The following PTGR1 variants were observed in gnomAD, a reference collection of about 807,000 sequenced individuals.
The protein encoded by PTGR1 is 15-oxoprostaglandin 13-reductase.
In PTGR1, 23 loss-of-function variants were observed where a neutral mutation model predicts 37.7. The observed-to-expected ratio is 0.61, with a 90% CI of 0.44 to 0.86. PTGR1 has a LOEUF of 0.86. PTGR1 is among the 40% of genes least tolerant of loss of function. The pLI is 0.00. For synonymous variants in PTGR1, 134 were observed against 140.0 expected, an observed-to-expected ratio of 0.96 and a Z score of 0.30; for missense variants, 351 against 394.3, an observed-to-expected ratio of 0.89 and a Z score of 0.93.
intron 8 of PTGR1, among the ~76,000 whole-genome samples, chr9:111,572,912 A>G (rs1828891004): frequency 6.6e-6 from 1 of 152,154 alleles, no homozygotes; most frequent in South Asian, 2.1e-4. Flanking sequence ...GTTGATGAGA[A>G]TGTTGGTTTT....
At chr9:111,579,046 A>G in intron 6 of PTGR1, 95 bp from the exon 7 acceptor site, 1 of 1,229,180 alleles carries the variant, frequency 8.1e-7, no homozygotes, top group South Asian at 1.6e-5. Context: ...GTTCCCTAGG[A>G]ACACTCTCTT....
intron 5 of PTGR1, among the ~76,000 whole-genome samples, chr9:111,585,052 G>T (rs1360776418): frequency 2.0e-5 from 3 of 151,406 alleles, no homozygotes; most frequent in African/African-American, 4.9e-5. Flanking sequence ...AGTTATTTCT[G>T]CATTAAAAAA....
intron 9 of PTGR1, among the ~76,000 whole-genome samples, chr9:111,554,788 A>G (rs1034600814): frequency 1.3e-5 from 2 of 152,198 alleles, no homozygotes; most frequent in African/African-American, 4.8e-5. Flanking sequence ...GAAACCACGG[A>G]AAGTGAAACT....
chr9:111,577,196 C>G (rs557472409), intron 7 of PTGR1: 1 of 152,064 alleles, frequency 6.6e-6, no homozygotes, highest in Non-Finnish European at 1.5e-5. Context: ...CAAATACATA[C>G]GTTGAAAGAT....
chr9:111,584,722 T>G (rs1316320874), intron 5 of PTGR1, among the ~76,000 whole-genome samples: 2 of 152,198 alleles, frequency 1.3e-5, no homozygotes, highest in African/African-American at 4.8e-5. Context: ...AAGACCAGTA[T>G]AGATCAAGAT....
intron 9 of PTGR1, chr9:111,564,295 AT>A (rs1217148776): frequency 2.3e-5 from 14 of 610,274 alleles, no homozygotes; most frequent in Non-Finnish European, 2.8e-5. Flanking sequence ...TATTATTATT[AT>A]TATTATTATT....
intron 9 of PTGR1, chr9:111,563,484 G>T: frequency 6.1e-6 from 2 of 327,722 alleles, no homozygotes; most frequent in Non-Finnish European, 1.1e-5. Context: ...TCATAAGGCA[G>T]TGATTAAGCA....
chr9:111,589,625 T>C (rs929060904), intron 4 of PTGR1, among the ~76,000 whole-genome samples: 2 of 150,908 alleles, frequency 1.3e-5, no homozygotes, highest in East Asian at 1.9e-4. Context: ...AAGTATAAAA[T>C]ACAGAAAACA....
At chr9:111,581,344 A>G (rs1829273295) in intron 6 of PTGR1, among the ~76,000 whole-genome samples, 1 of 152,222 alleles carries the variant, frequency 6.6e-6, no homozygotes, top group Admixed American at 6.5e-5. Flanking sequence ...AAAATAATTA[A>G]ATAGAAGAAG....
chr9:111,552,192 A>C (rs1827985125), intron 9 of PTGR1, among the ~76,000 whole-genome samples: 1 of 152,206 alleles, frequency 6.6e-6, no homozygotes, highest in Non-Finnish European at 1.5e-5. Context: ...GGAAATCTTG[A>C]ATTGGATTTT....
chr9:111,593,026 T>C (rs375401369), intron 3 of PTGR1, 44 bp from the exon 4 acceptor site: 2 of 1,304,934 alleles, frequency 1.5e-6, no homozygotes, highest in African/African-American at 5.0e-5. Context: ...AATAGGTAAA[T>C]AAATAAAATT....
intron 7 of PTGR1, chr9:111,577,177 T>C (rs1196219522): frequency 1.3e-5 from 2 of 152,098 alleles, no homozygotes; most frequent in African/African-American, 4.8e-5. Flanking sequence ...AAAGAAGATA[T>C]ACAAATGGCA....
intron 9 of PTGR1, among the ~76,000 whole-genome samples, chr9:111,564,816 G>A (rs915192962): frequency 1.3e-5 from 2 of 151,880 alleles, no homozygotes; most frequent in African/African-American, 4.8e-5. Flanking sequence ...TTGGAGATAG[G>A]GCTTTTTAAA....
At chr9:111,595,432 T>C (rs1021265879) in intron 2 of PTGR1, among the ~76,000 whole-genome samples, 2 of 152,196 alleles carry the variant, frequency 1.3e-5, no homozygotes, top group Admixed American at 1.3e-4. Context: ...GCTCACCATA[T>C]GGCTTCATCG....
intron 5 of PTGR1, among the ~76,000 whole-genome samples, chr9:111,585,604 C>T (rs1403806497): frequency 3.9e-5 from 6 of 152,194 alleles, no homozygotes; most frequent in African/African-American, 9.6e-5. Context: ...TTCAGCCTCC[C>T]GGCCCCTGAT....
rs781038382 is a variant in PTGR1 at position 111,583,596 on chromosome 9, GAAGAAAATT to G, written c.378-16_378-8del. ...GCCAAAGTAGGCAGTCAGGCTAAAG[GAAGAAAATT>G]AAGGATATATGAATAGAGTTGTTTC... On this transcript the variant is annotated splice_region_variant and splice_polypyrimidine_tract_variant and intron_variant, in intron 5 of 9. Transcript: ENST00000407693. The G allele has an allele frequency of 6.3e-7, 1 of 1,575,160 alleles. No individual in the cohort carries two copies. Among genetic ancestry groups the G allele is most frequent in the Non-Finnish European group, 8.7e-7 (1 of 1,144,744 alleles).
intron 9 of PTGR1, 166 bp downstream of exon 9, chr9:111,569,925 A>T: frequency 1.7e-6 from 2 of 1,153,076 alleles, no homozygotes; most frequent in Non-Finnish European, 2.4e-6. Flanking sequence ...TTTTCCTTTC[A>T]AAGATGGGAA....
chr9:111,579,020 G>A, intron 6 of PTGR1, 69 bp from the exon 7 acceptor site: 1 of 1,438,086 alleles, frequency 7.0e-7, no homozygotes, highest in Non-Finnish European at 9.3e-7. Flanking sequence ...CTACTTTCCT[G>A]GTCTCGTATG....
At chr9:111,573,439 G>A (rs1265722910) in intron 8 of PTGR1, among the ~76,000 whole-genome samples, 1 of 152,168 alleles carries the variant, frequency 6.6e-6, no homozygotes, top group African/African-American at 2.4e-5. Flanking sequence ...TTGTGTGGTG[G>A]TTAACCAGTG....
Sources: allele counts gnomAD v4.1 joint callset (sites outside exome capture counted in the v4.1 genomes callset), GRCh38; gene constraint gnomAD v4.1.1; transcripts MANE v1.5; gene names NCBI Gene and HGNC (gene_info 2026-07-23, HGNC 2026-07-21).